The following ZNF385D variants were observed in gnomAD, a reference collection of about 807,000 sequenced individuals.
ZNF385D encodes the protein zinc finger protein 659.
ZNF385D carries 15 observed loss-of-function variants against 35.8 expected under a neutral mutation model. That is an observed-to-expected ratio of 0.42 (90% CI 0.28 to 0.64). The LOEUF is 0.64. Ranked by LOEUF, ZNF385D falls within the 30% of genes least tolerant of loss-of-function variation. The pLI, the probability that ZNF385D is intolerant of heterozygous loss-of-function variation, is 0.23. For synonymous variants in ZNF385D, 212 were observed against 186.8 expected, an observed-to-expected ratio of 1.13 and a Z score of -1.10; for missense variants, 474 against 494.6, an observed-to-expected ratio of 0.96 and a Z score of 0.39.
intron 3 of ZNF385D, among the ~76,000 whole-genome samples, chr3:21,829,477 G>C (rs1477346458): frequency 6.6e-6 from 1 of 152,078 alleles, no homozygotes; most frequent in East Asian, 2.0e-4. Flanking sequence ...AGAAGGGATG[G>C]GCCCTGACCA....
chr3:22,372,675 G>T (rs1427089536), exon 2 of ZNF385D: 1 of 182,316 alleles, frequency 5.5e-6, no homozygotes, highest in Non-Finnish European at 1.0e-5. Context: ...GGTCTCCGTT[G>T]CGCAGCGCGT....
intron 3 of ZNF385D, among the ~76,000 whole-genome samples, chr3:21,778,285 T>C (rs1318924400): frequency 2.0e-5 from 3 of 151,900 alleles, no homozygotes; most frequent in Non-Finnish European, 4.4e-5. Flanking sequence ...TAAAGAAACA[T>C]TTCTCACCAC....
intron 2 of ZNF385D, among the ~76,000 whole-genome samples, chr3:22,194,191 A>G (rs1431228075): frequency 6.6e-6 from 1 of 151,914 alleles, no homozygotes; most frequent in Non-Finnish European, 1.5e-5. Context: ...GATTGTTGAT[A>G]AATTTTTTAT....
chr3:22,363,850 T>C (rs1199733176), intron 2 of ZNF385D, among the ~76,000 whole-genome samples: 1 of 152,128 alleles, frequency 6.6e-6, no homozygotes, highest in Non-Finnish European at 1.5e-5. Flanking sequence ...AGATCACATT[T>C]ATACAACTCA....
chr3:22,150,115 A>T (rs533944986), intron 3 of ZNF385D, among the ~76,000 whole-genome samples: 1 of 152,328 alleles, frequency 6.6e-6, no homozygotes, highest in Non-Finnish European at 1.5e-5. Context: ...AATCTCATTA[A>T]ATAAACAAGG....
chr3:21,864,673 C>G (rs1318184725), intron 3 of ZNF385D, among the ~76,000 whole-genome samples: 1 of 152,044 alleles, frequency 6.6e-6, no homozygotes. Flanking sequence ...TGTTATAACT[C>G]TAAAGTGAGT....
intron 2 of ZNF385D, among the ~76,000 whole-genome samples, chr3:22,179,903 A>G (rs988526198): frequency 3.3e-5 from 5 of 152,216 alleles, no homozygotes; most frequent in Non-Finnish European, 7.3e-5. Flanking sequence ...AAACACATTC[A>G]AAAGCTAGCA....
intron 2 of ZNF385D, among the ~76,000 whole-genome samples, chr3:22,195,939 G>A (rs1267788088): frequency 6.6e-6 from 1 of 151,984 alleles, no homozygotes; most frequent in Non-Finnish European, 1.5e-5. Context: ...ACCAAATACT[G>A]CATGTTCTCA....
chr3:21,631,081 A>C (rs2065267552), intron 2 of ZNF385D, among the ~76,000 whole-genome samples: 1 of 152,134 alleles, frequency 6.6e-6, no homozygotes, highest in African/African-American at 2.4e-5. Flanking sequence ...AGGATTTGGA[A>C]CATTACCCTG....
rs188983864 is a variant in ZNF385D, at chr3:21,878,696, A to G, written c.326-213668T>C. Among the ~76,000 whole-genome samples, 106 of 152,190 alleles carry G rather than the reference A, an allele frequency of 7.0e-4. 1 individual carries two copies. The East Asian group carries it at 0.018, about 26-fold the overall frequency. Reference sequence around the variant, plus strand: ...GAAACAAGTGATTCTTTCTCTAGGTAGGTTCCATGAAGTGGAATTTCTGAG... The same window carrying G: ...GAAACAAGTGATTCTTTCTCTAGGTGGGTTCCATGAAGTGGAATTTCTGAG... On this transcript the variant is annotated intron_variant, in intron 3 of 5. Coordinates refer to the ZNF385D transcript ENST00000494108.
At chr3:22,300,376 G>T (rs950361489) in intron 2 of ZNF385D, among the ~76,000 whole-genome samples, 10 of 133,316 alleles carry the variant, frequency 7.5e-5, no homozygotes, top group African/African-American at 3.0e-4. Flanking sequence ...ACATTGATTG[G>T]TCTGGGCAAT....
intron 3 of ZNF385D, among the ~76,000 whole-genome samples, chr3:22,150,468 C>G (rs769345022): frequency 1.5e-4 from 22 of 151,696 alleles, no homozygotes; most frequent in Non-Finnish European, 2.6e-4. Flanking sequence ...GCCAAAAAAC[C>G]CTTCAGATCA....
At chr3:22,286,906 T>C (rs1214425171) in intron 2 of ZNF385D, among the ~76,000 whole-genome samples, 1 of 152,096 alleles carries the variant, frequency 6.6e-6, no homozygotes, top group African/African-American at 2.4e-5. Context: ...CTGTAAAGTG[T>C]AGTCCAAGTT....
chr3:22,365,682 C>G (rs1275151290), intron 2 of ZNF385D, among the ~76,000 whole-genome samples: 4 of 152,048 alleles, frequency 2.6e-5, no homozygotes, highest in Non-Finnish European at 4.4e-5. Context: ...ATTACTAATT[C>G]CTCAGCTTTT....
chr3:21,502,295 C>T (rs536702785), intron 4 of ZNF385D, among the ~76,000 whole-genome samples: 3 of 152,224 alleles, frequency 2.0e-5, no homozygotes, highest in African/African-American at 7.2e-5. Flanking sequence ...TTCGAGGGTC[C>T]ATTTATTTTC....
At chr3:21,837,207 A>C (rs1361943703) in intron 3 of ZNF385D, among the ~76,000 whole-genome samples, 1 of 152,122 alleles carries the variant, frequency 6.6e-6, no homozygotes, top group Non-Finnish European at 1.5e-5. Context: ...AGAGAAATCT[A>C]TTCTAGCAGT....
intron 1 of ZNF385D, among the ~76,000 whole-genome samples, chr3:21,694,041 G>GTTTTTTTTTTTTTTTTTTTTT (rs1559525354): frequency 4.1e-5 from 1 of 24,208 alleles, no homozygotes; most frequent in Non-Finnish European, 8.2e-5. Context: ...ACTACGCCTG[G>GTTTTTTTTTTTTTTTTTTTTT]CTTTTTTTTT....
Position 21,738,285 on chromosome 3 carries a change from G to C in ZNF385D, c.22+12610C>G, listed in dbSNP as rs188620458. 1.5e-3 allele frequency among the ~76,000 whole-genome samples: 231 copies of C among 152,352 alleles called. 7 individuals are homozygous for C. The East Asian group carries it at 0.031, about 20-fold the overall frequency. On this transcript the variant is annotated intron_variant, in intron 1 of 7. Coordinates refer to ENST00000281523, the MANE Select transcript of ZNF385D (RefSeq NM_024697.3). ...TCACATAGAAAGGTGTGGTGAGGAG[G>C]TCTGTGTTATGCAGCCAGACATCTT...
At chr3:22,256,099 C>T (rs1044509847) in intron 2 of ZNF385D, among the ~76,000 whole-genome samples, 4 of 151,686 alleles carry the variant, frequency 2.6e-5, no homozygotes, top group African/African-American at 9.7e-5. Context: ...GCTTCCTGCC[C>T]TCCAATGTCA....
Sources: allele counts gnomAD v4.1 joint callset (sites outside exome capture counted in the v4.1 genomes callset), GRCh38; gene constraint gnomAD v4.1.1; transcripts MANE v1.5; gene names NCBI Gene and HGNC (gene_info 2026-07-23, HGNC 2026-07-21).